The following AKAP19 variants were observed in gnomAD, a reference collection of about 807,000 sequenced individuals.
The protein encoded by AKAP19 is small A-kinase anchoring protein.
chr2:190,080,150 A>G, the AKAP19 span: 13 of 152,324 alleles, frequency 8.5e-5, no homozygotes, highest in African/African-American at 2.6e-4. Context: ...TCTCAGTTAT[A>G]TAAAAATTAG....
At chr2:189,969,086 C>T in the AKAP19 span, among the ~76,000 whole-genome samples, 1 of 152,070 alleles carries the variant, frequency 6.6e-6, no homozygotes, top group African/African-American at 2.4e-5. Context: ...ACCATAAAAG[C>T]AGTACCAATT....
chr2:189,955,190 CAT>C, the AKAP19 span, among the ~76,000 whole-genome samples: 2 of 152,126 alleles, frequency 1.3e-5, no homozygotes, highest in African/African-American at 2.4e-5. Context: ...TAAGTGAGAA[CAT>C]GTGGTTTTTA....
the AKAP19 span, among the ~76,000 whole-genome samples, chr2:190,001,418 C>G: frequency 6.6e-6 from 1 of 152,152 alleles, no homozygotes; most frequent in South Asian, 2.1e-4. Context: ...GAAAACTGTA[C>G]AGGACCCTGA....
At chr2:190,201,116 AG>A in the AKAP19 span, 6 of 167,016 alleles carry the variant, frequency 3.6e-5, no homozygotes, top group African/African-American at 7.2e-5. Flanking sequence ...CTGTCCTTTG[AG>A]GAGAGTACTC....
the AKAP19 span, among the ~76,000 whole-genome samples, chr2:189,899,222 C>G: frequency 6.6e-6 from 1 of 152,068 alleles, no homozygotes; most frequent in African/African-American, 2.4e-5. Flanking sequence ...AAATTGAGCA[C>G]CCTCTTCTTT....
chr2:190,184,655 T>TA, the AKAP19 span, among the ~76,000 whole-genome samples: 1 of 152,150 alleles, frequency 6.6e-6, no homozygotes, highest in Non-Finnish European at 1.5e-5. Flanking sequence ...AATAAGGAGA[T>TA]ACGGCTTCCC....
the AKAP19 span, among the ~76,000 whole-genome samples, chr2:189,894,671 TTAC>T: frequency 4.0e-5 from 6 of 151,092 alleles, no homozygotes; most frequent in African/African-American, 1.5e-4. Context: ...TTGTTATTTG[TTAC>T]TACATTATTA....
the AKAP19 span, among the ~76,000 whole-genome samples, chr2:190,098,301 C>A: frequency 3.9e-5 from 6 of 152,132 alleles, no homozygotes; most frequent in South Asian, 1.2e-3. Flanking sequence ...GATGTGTTCA[C>A]AAGCATGAAA....
At chr2:190,072,166 A>G in the AKAP19 span, among the ~76,000 whole-genome samples, 2 of 152,148 alleles carry the variant, frequency 1.3e-5, no homozygotes, top group East Asian at 1.9e-4. Flanking sequence ...GTACAGAAAA[A>G]CAAATACTGC....
chr2:189,944,075 C>T, the AKAP19 span, among the ~76,000 whole-genome samples: 8 of 152,188 alleles, frequency 5.3e-5, no homozygotes, highest in South Asian at 1.0e-3. Context: ...GCATACAAGG[C>T]GGGCTAGTAT....
chr2:190,138,750 A>G, the AKAP19 span, among the ~76,000 whole-genome samples: 1 of 152,144 alleles, frequency 6.6e-6, no homozygotes, highest in Non-Finnish European at 1.5e-5. Context: ...CTTTGTCCAT[A>G]CCTCATAAGC....
chr2:190,064,202 G>A, the AKAP19 span, among the ~76,000 whole-genome samples: 1 of 152,014 alleles, frequency 6.6e-6, no homozygotes, highest in East Asian at 1.9e-4. Flanking sequence ...CTTACATAAT[G>A]CATTGGATTT....
chr2:190,022,743 G>A, the AKAP19 span, among the ~76,000 whole-genome samples: 2 of 151,702 alleles, frequency 1.3e-5, no homozygotes, highest in East Asian at 1.9e-4. Flanking sequence ...CTAGCAAATA[G>A]TAAGTCCCAA....
the AKAP19 span, among the ~76,000 whole-genome samples, chr2:190,129,254 G>A: frequency 6.6e-6 from 1 of 152,058 alleles, no homozygotes; most frequent in Admixed American, 6.6e-5. Flanking sequence ...CTATAAAAGT[G>A]TGGTTGCAAC....
the AKAP19 span, among the ~76,000 whole-genome samples, chr2:189,905,474 G>A: frequency 0.015 from 2,297 of 152,040 alleles, 29 homozygotes; most frequent in Non-Finnish European, 0.023. Context: ...TCATAGTCAC[G>A]GGAAAAGTCT....
chr2:190,123,008 C>G, the AKAP19 span, among the ~76,000 whole-genome samples: 1 of 151,910 alleles, frequency 6.6e-6, no homozygotes, highest in East Asian at 1.9e-4. Flanking sequence ...GACAAGATCT[C>G]GCTATGTTGC....
At chr2:189,982,932 G>A in the AKAP19 span, among the ~76,000 whole-genome samples, 6 of 152,070 alleles carry the variant, frequency 3.9e-5, no homozygotes, top group Non-Finnish European at 5.9e-5. Context: ...AGCATTAAGC[G>A]CCTCTGATAG....
chr2:189,972,851 A>G, the AKAP19 span, among the ~76,000 whole-genome samples: 4 of 152,264 alleles, frequency 2.6e-5, no homozygotes, highest in African/African-American at 9.6e-5. Context: ...AGACCTTGCT[A>G]AAGTTGCTTA....
chr2:190,104,480 A>T, the AKAP19 span, among the ~76,000 whole-genome samples: 1 of 152,226 alleles, frequency 6.6e-6, no homozygotes, highest in Admixed American at 6.5e-5. Flanking sequence ...GAATTTGAAT[A>T]GTTCAATAAG....
Sources: allele counts gnomAD v4.1 joint callset (sites outside exome capture counted in the v4.1 genomes callset), GRCh38; gene constraint gnomAD v4.1.1; transcripts MANE v1.5; gene names NCBI Gene and HGNC (gene_info 2026-07-23, HGNC 2026-07-21).